The following LRP1B variants were observed in gnomAD, a reference collection of about 807,000 sequenced individuals.
The protein encoded by LRP1B is low-density lipoprotein receptor-related protein 1B.
In LRP1B, 217 loss-of-function variants were observed where a neutral mutation model predicts 556.6. That is an observed-to-expected ratio of 0.39 (90% confidence interval 0.35 to 0.44). The LOEUF (loss-of-function observed/expected upper bound fraction) is 0.44. Ranked by LOEUF, LRP1B falls within the 20% of genes least tolerant of loss-of-function variation. The pLI, the probability that LRP1B is intolerant of heterozygous loss-of-function variation, is 1.00. For synonymous variants in LRP1B, 2,047 were observed against 1,865.8 expected (o/e 1.10, Z -2.50); for missense variants, 5,053 against 5,620.8 (o/e 0.90, Z 3.23).
chr2:141,668,226 C>A (rs959660006), intron 2 of LRP1B, among the ~76,000 whole-genome samples: 19 of 152,132 alleles, frequency 1.2e-4, no homozygotes, highest in African/African-American at 3.9e-4. Context: ...AATGTCCTCA[C>A]CCCTCTTCTA....
intron 1 of LRP1B, among the ~76,000 whole-genome samples, chr2:141,882,077 C>A (rs548083861): frequency 1.3e-5 from 2 of 151,890 alleles, no homozygotes; most frequent in African/African-American, 4.8e-5. Flanking sequence ...TTTTTAATTC[C>A]TAAAATTGCA....
At chr2:141,615,572 C>A (rs199800236) in intron 2 of LRP1B, among the ~76,000 whole-genome samples, 41 of 88,174 alleles carry the variant, frequency 4.6e-4, no homozygotes, top group Non-Finnish European at 7.4e-4. Flanking sequence ...TAATATAATT[C>A]TTGAAATTAC....
chr2:141,067,372 A>C (rs1403576451), intron 7 of LRP1B, among the ~76,000 whole-genome samples: 1 of 152,008 alleles, frequency 6.6e-6, no homozygotes, highest in African/African-American at 2.4e-5. Context: ...AAGACTATTC[A>C]AGACAGTTAT....
chr2:141,354,850 T>C (rs1688568923), intron 3 of LRP1B, among the ~76,000 whole-genome samples: 1 of 152,136 alleles, frequency 6.6e-6, no homozygotes, highest in African/African-American at 2.4e-5. Flanking sequence ...TTGTCATTTC[T>C]AATATTAATT....
At chr2:140,677,732 C>T (rs971605411) in intron 41 of LRP1B, among the ~76,000 whole-genome samples, 5 of 151,986 alleles carry the variant, frequency 3.3e-5, no homozygotes, top group African/African-American at 1.2e-4. Flanking sequence ...AAAAACTAGC[C>T]AGGCTTGGTG....
At chr2:140,797,496 A>T (rs913408681) in intron 32 of LRP1B, among the ~76,000 whole-genome samples, 2 of 152,066 alleles carry the variant, frequency 1.3e-5, no homozygotes, top group African/African-American at 4.8e-5. Flanking sequence ...AATTTCTCTT[A>T]TTAAAATGCA....
At position 141,787,863 on chromosome 2, in the gene LRP1B, C is replaced by T. The variant is rs192624791; in HGVS notation, c.205+22416G>A. ...TTCTAATGAAAATATAGTAGCCTTTCTCATTAAAATCTTTTTCTCCATATG... is the reference window on the plus strand; with the variant it reads ...TTCTAATGAAAATATAGTAGCCTTTTTCATTAAAATCTTTTTCTCCATATG... On this transcript the variant is annotated intron_variant, in intron 2 of 90. Coordinates refer to ENST00000389484, the MANE Select transcript of LRP1B (RefSeq NM_018557.3). 5.1e-4 allele frequency among the ~76,000 whole-genome samples: 77 copies of T among 151,952 alleles called. No individual in the cohort carries two copies. In the East Asian group the frequency reaches 0.015, roughly 29 times the overall value.
At chr2:140,389,669 A>G (rs1683923544) in intron 66 of LRP1B, among the ~76,000 whole-genome samples, 2 of 147,196 alleles carry the variant, frequency 1.4e-5, no homozygotes, top group Admixed American at 6.7e-5. Flanking sequence ...GGATTAGAAA[A>G]CTGAAAATGT....
chr2:141,591,553 G>T (rs901202404), intron 2 of LRP1B, among the ~76,000 whole-genome samples: 4 of 151,294 alleles, frequency 2.6e-5, no homozygotes, highest in African/African-American at 9.7e-5. Flanking sequence ...GCAGAAAATT[G>T]TAAGATCACT....
intron 43 of LRP1B, among the ~76,000 whole-genome samples, chr2:140,567,265 A>C (rs76473798): frequency 0.05 from 7,614 of 152,082 alleles, 542 homozygotes; most frequent in African/African-American, 0.16. Flanking sequence ...ATTTTGGACT[A>C]CTTACTGCTA....
At chr2:141,972,259 A>G (rs1238467526) in intron 1 of LRP1B, among the ~76,000 whole-genome samples, 1 of 151,648 alleles carries the variant, frequency 6.6e-6, no homozygotes, top group Admixed American at 6.6e-5. Context: ...AGAATTTTTT[A>G]AAGTATATGT....
At chr2:141,513,061 T>A (rs1418907240) in intron 2 of LRP1B, among the ~76,000 whole-genome samples, 1 of 152,150 alleles carries the variant, frequency 6.6e-6, no homozygotes, top group Non-Finnish European at 1.5e-5. Context: ...CCATTATAAT[T>A]CTCTTAGCTC....
chr2:141,020,147 T>G (rs1308193147), intron 11 of LRP1B, 45 bp from the exon 12 acceptor site: 1 of 1,290,658 alleles, frequency 7.7e-7, no homozygotes, highest in Admixed American at 2.6e-5. Context: ...TTTACAACTA[T>G]AGTAAAATTA....
intron 35 of LRP1B, among the ~76,000 whole-genome samples, chr2:140,766,835 A>AT (rs1559106222): frequency 2.4e-4 from 6 of 25,324 alleles, no homozygotes; most frequent in African/African-American, 2.9e-4. Context: ...ATATATATAT[A>AT]TATATATATT....
chr2:140,297,489 G>A (rs1407517460), intron 84 of LRP1B, among the ~76,000 whole-genome samples: 2 of 152,090 alleles, frequency 1.3e-5, no homozygotes, highest in Non-Finnish European at 2.9e-5. Context: ...CAATTCAGGA[G>A]AGATGGAGAA....
intron 6 of LRP1B, among the ~76,000 whole-genome samples, chr2:141,222,618 C>CA (rs1683091832): frequency 6.6e-6 from 1 of 151,954 alleles, no homozygotes; most frequent in Non-Finnish European, 1.5e-5. Flanking sequence ...AACATCAATG[C>CA]AAAAAAATCC....
Position 141,188,525 on chromosome 2 carries a change from G to T in LRP1B, c.909C>A (p.Val303=). ...AATTACAAACAAAGATCCGGTCACC[G>T]ACATGGTCCACAAAATAGAGATTTC... ...LTRNLYFVDH[V]GDRIFVCNSN... Residue 303 remains valine (V), a synonymous_variant, in exon 7 of 91, where the codon GTC becomes GTA. Coordinates refer to ENST00000389484, the MANE Select transcript of LRP1B (RefSeq NM_018557.3). 1 of 1,612,714 alleles carries T rather than the reference G, an allele frequency of 6.2e-7. No individual in the cohort carries two copies.
intron 29 of LRP1B, among the ~76,000 whole-genome samples, chr2:140,849,005 T>C (rs1212845230): frequency 6.6e-6 from 1 of 152,144 alleles, no homozygotes; most frequent in East Asian, 1.9e-4. Context: ...TTTCCTGTTT[T>C]ATATGTTAGT....
chr2:141,747,784 G>C (rs1284979110), intron 2 of LRP1B, among the ~76,000 whole-genome samples: 1 of 152,016 alleles, frequency 6.6e-6, no homozygotes, highest in Non-Finnish European at 1.5e-5. Flanking sequence ...TTAATAATTA[G>C]ATAATAACAA....
Sources: gnomAD v4.1 joint callset for allele counts (sites outside exome capture counted in the v4.1 genomes callset) on GRCh38, gnomAD v4.1.1 for gene constraint, MANE v1.5 for transcripts, NCBI Gene and HGNC (gene_info 2026-07-23, HGNC 2026-07-21) for gene names.